Variants in RAB33B observed in about 807,000 individuals in gnomAD.
RAB33B encodes ras-related protein Rab-33B.
RAB33B carries 6 observed loss-of-function variants against 15.0 expected under a neutral mutation model. The ratio of observed to expected loss-of-function variants is 0.40; its 90% CI spans 0.22 to 0.79. The LOEUF (loss-of-function observed/expected upper bound fraction) is 0.79, where lower values mean the gene tolerates loss of function less well. RAB33B is among the 30% of genes least tolerant of loss of function. The pLI is 0.37. For missense variants in RAB33B, 257 were observed against 296.4 expected, an observed-to-expected ratio of 0.87 and a Z score of 0.98; for synonymous variants, 117 against 108.3, an observed-to-expected ratio of 1.08 and a Z score of -0.50.
the RAB33B span, among the ~76,000 whole-genome samples, chr4:139,439,792 C>G: frequency 6.6e-6 from 1 of 152,318 alleles, no homozygotes; most frequent in African/African-American, 2.4e-5. Context: ...TTTCTTCTAA[C>G]TGTTCAATGT....
At chr4:139,467,276 G>A (rs1303528488) in intron 1 of RAB33B, among the ~76,000 whole-genome samples, 3 of 132,242 alleles carry the variant, frequency 2.3e-5, no homozygotes, top group Admixed American at 8.2e-5. Context: ...GCCTTCCGCC[G>A]CGCACCTCTT....
rs148238737 is a variant in RAB33B, at chr4:139,455,262, A to G, written c.249+818A>G. ...CAAGGCTTAGGCCTCTTGATGGTAT[A>G]AACCTTAGACACACCTTCATAGCAA... is the stretch of plus-strand genomic sequence containing the variant. On this transcript the variant is annotated intron_variant, in intron 1 of 1. Coordinates refer to ENST00000305626, the MANE Select transcript of RAB33B (RefSeq NM_031296.3). Among the ~76,000 whole-genome samples, 1,297 of 152,318 alleles carry G rather than the reference A, an allele frequency of 8.5e-3. 20 individuals are homozygous for G. The highest frequency in any genetic ancestry group is 0.03 in the African/African-American group (1,241 of 41,560).
chr4:139,464,412 T>A (rs1266881643), intron 1 of RAB33B, among the ~76,000 whole-genome samples: 6 of 137,704 alleles, frequency 4.4e-5, no homozygotes, highest in East Asian at 2.0e-4. Context: ...TTTTTTTTTT[T>A]ATACTTTAAG....
intron 1 of RAB33B, among the ~76,000 whole-genome samples, chr4:139,469,040 T>G (rs569304152): frequency 2.1e-4 from 32 of 152,274 alleles, no homozygotes; most frequent in African/African-American, 7.5e-4. Context: ...TCAGGTAGTC[T>G]TCTTTGGGTT....
Position 139,472,969 on chromosome 4 carries a change from C to A in RAB33B, c.533C>A (p.Ser178Tyr). Residue 178 changes from serine (S) to tyrosine (Y), a missense_variant, in exon 2 of 2, where the codon TCT (serine) becomes TAT (tyrosine). Ser to Tyr is a moderately radical substitution (Grantham distance 144). Coordinates refer to ENST00000305626, the MANE Select transcript of RAB33B (RefSeq NM_031296.3). ...CACAGTATGCCTTTGTTTGAAACGT[C>A]TGCTAAAAACCCCAATGATAATGAC... Reference protein sequence around the residue: ...DTHSMPLFETSAKNPNDNDHV... With the variant: ...DTHSMPLFETYAKNPNDNDHV... The A allele has an allele frequency of 1.2e-6, 2 of 1,614,154 alleles. No individual in the cohort carries two copies. The highest frequency in any genetic ancestry group is 1.7e-6 in the Non-Finnish European group (2 of 1,180,024).
chr4:139,439,925 A>C, the RAB33B span, among the ~76,000 whole-genome samples: 8 of 151,884 alleles, frequency 5.3e-5, no homozygotes, highest in African/African-American at 1.7e-4. Flanking sequence ...TTCATAAATA[A>C]TTTTCTTGAC....
the RAB33B span, among the ~76,000 whole-genome samples, chr4:139,445,961 C>T: frequency 1.3e-5 from 2 of 152,286 alleles, no homozygotes; most frequent in African/African-American, 2.4e-5. Context: ...TTGGCGGAAA[C>T]GGAACGTTTG....
the RAB33B span, among the ~76,000 whole-genome samples, chr4:139,438,975 A>G: frequency 6.6e-6 from 1 of 151,984 alleles, no homozygotes; most frequent in Non-Finnish European, 1.5e-5. Context: ...CTTATCTTCT[A>G]CTTCAATTTC....
At chr4:139,446,166 G>T in the RAB33B span, among the ~76,000 whole-genome samples, 1 of 152,116 alleles carries the variant, frequency 6.6e-6, no homozygotes, top group Non-Finnish European at 1.5e-5. Flanking sequence ...AAATGCCCAC[G>T]GTCTCCACTC....
chr4:139,470,539 A>G (rs142131002), intron 1 of RAB33B, among the ~76,000 whole-genome samples: 1 of 152,088 alleles, frequency 6.6e-6, no homozygotes, highest in Admixed American at 6.5e-5. Flanking sequence ...CCCTGTGGCC[A>G]TGCTGGTACC....
chr4:139,439,355 A>G, the RAB33B span, among the ~76,000 whole-genome samples: 1 of 152,198 alleles, frequency 6.6e-6, no homozygotes, highest in Non-Finnish European at 1.5e-5. Flanking sequence ...CTTTGACTAT[A>G]TTAGCTCATT....
upstream of RAB33B, chr4:139,454,068 G>A: frequency 8.7e-7 from 1 of 1,145,576 alleles, no homozygotes; most frequent in Non-Finnish European, 1.2e-6. Context: ...CTCGGGGCTG[G>A]TGGGCGGTGG....
At chr4:139,444,610 C>G in the RAB33B span, among the ~76,000 whole-genome samples, 5 of 152,170 alleles carry the variant, frequency 3.3e-5, no homozygotes, top group Non-Finnish European at 7.4e-5. Flanking sequence ...TGGCTCTGAG[C>G]TGACGTTGAT....
rs1750501902 is a variant in RAB33B, at chr4:139,476,331, G to T, written c.*3205G>T. The stretch of plus-strand genomic sequence containing the variant: ...GCAGTTACTGATTTAGACACCATAG[G>T]ATTAGGGATGTGGGGGCCTCTGATG... On this transcript the variant is annotated 3_prime_UTR_variant, in exon 2 of 2. Coordinates refer to ENST00000305626, the MANE Select transcript of RAB33B (RefSeq NM_031296.3). 6.6e-6 allele frequency: 1 copy of T among 152,210 alleles called. No individual in the cohort carries two copies. 9.4% of individuals were successfully genotyped at this position (152,210 alleles called of 1,614,324 possible). A position where few individuals can be genotyped will look rare whatever the true frequency, so the allele number is the denominator to read the frequency against.
At chr4:139,451,130 A>AC (rs1749911266), upstream of RAB33B, 1 of 151,424 alleles carries the variant, frequency 6.6e-6, no homozygotes, top group Admixed American at 6.6e-5. Flanking sequence ...TCAACTCTTG[A>AC]CCTCATGATC....
In RAB33B at chr4:139,475,485, T is replaced by A. The variant is rs562130360; in HGVS notation, c.*2359T>A. ...ATTTGTAACAATTTGTTTTAATTTT[T>A]TATATATATGTTTTTATTTTTAAAA... On this transcript the variant is annotated 3_prime_UTR_variant, in exon 2 of 2. Coordinates refer to ENST00000305626, the MANE Select transcript of RAB33B (RefSeq NM_031296.3). 11 of 152,090 alleles carry A rather than the reference T, an allele frequency of 7.2e-5. No homozygotes were observed. In the East Asian group the frequency reaches 7.7e-4, roughly 11 times the overall value. 9.4% of individuals were successfully genotyped at this position (152,090 alleles called of 1,614,324 possible).
chr4:139,447,993 C>A, the RAB33B span, among the ~76,000 whole-genome samples: 2 of 151,954 alleles, frequency 1.3e-5, no homozygotes, highest in East Asian at 3.9e-4. Flanking sequence ...AGTCAACAGT[C>A]TAAGAAGGGA....
chr4:139,447,081 G>A, the RAB33B span, among the ~76,000 whole-genome samples: 3 of 152,136 alleles, frequency 2.0e-5, no homozygotes, highest in Non-Finnish European at 4.4e-5. Context: ...CCACTGTCAT[G>A]GTATTCCACA....
Position 139,468,432 on chromosome 4 carries a change from T to C in RAB33B, c.250-4254T>C, listed in dbSNP as rs536082157. Among the ~76,000 whole-genome samples, 5 of 152,350 alleles carry C rather than the reference T, an allele frequency of 3.3e-5. No individual in the cohort carries two copies. In the South Asian group the frequency reaches 1.0e-3, roughly 32 times the overall value. On this transcript the variant is annotated intron_variant, in intron 1 of 1. Transcript: ENST00000305626. ...TTACATAAACAAACAAACAAAAAAC[T>C]AATAGAAACTGTATGCTTTAACTTC...
Sources: allele counts gnomAD v4.1 joint callset (sites outside exome capture counted in the v4.1 genomes callset), GRCh38; gene constraint gnomAD v4.1.1; transcripts MANE v1.5; gene names NCBI Gene and HGNC (gene_info 2026-07-23, HGNC 2026-07-21).